KLF12: variants seen among roughly 807,000 people sequenced by gnomAD.
KLF12 encodes the protein KLF transcription factor 12.
A neutral mutation model predicts 37.8 loss-of-function variants in KLF12; 9 were observed. The observed-to-expected ratio is 0.24, with a 90% CI of 0.14 to 0.42. The LOEUF is 0.42. KLF12 is among the 10% of genes least tolerant of loss of function. The pLI, the probability that KLF12 is intolerant of heterozygous loss-of-function variation, is 1.00. For missense variants in KLF12, 411 were observed against 516.0 expected, an observed-to-expected ratio of 0.80 and a Z score of 1.97; for synonymous variants, 208 against 202.1, an observed-to-expected ratio of 1.03 and a Z score of -0.25.
chr13:73,898,894 C>A (rs531595572), intron 3 of KLF12, among the ~76,000 whole-genome samples: 1 of 152,260 alleles, frequency 6.6e-6, no homozygotes, highest in Middle Eastern at 3.4e-3. Context: ...TACGGCATTA[C>A]AATGGTGTGA....
intron 5 of KLF12, among the ~76,000 whole-genome samples, chr13:73,810,312 C>T (rs1451362328): frequency 6.6e-6 from 1 of 151,882 alleles, no homozygotes. Context: ...TTCTATTAAA[C>T]AGTTACACAT....
chr13:74,064,926 T>G (rs770437562), intron 1 of KLF12, among the ~76,000 whole-genome samples: 2 of 152,202 alleles, frequency 1.3e-5, no homozygotes, highest in Non-Finnish European at 2.9e-5. Context: ...CTAAGTCTGA[T>G]TCACACACAC....
intron 2 of KLF12, among the ~76,000 whole-genome samples, chr13:73,988,508 C>T (rs1413048815): frequency 6.6e-6 from 1 of 152,200 alleles, no homozygotes; most frequent in Non-Finnish European, 1.5e-5. Flanking sequence ...GTGTTTGCAA[C>T]ACCACAGGAC....
chr13:73,708,509 A>G (rs1875119854), intron 7 of KLF12, among the ~76,000 whole-genome samples: 1 of 152,150 alleles, frequency 6.6e-6, no homozygotes, highest in African/African-American at 2.4e-5. Flanking sequence ...CATGTCATAC[A>G]TACTGTTAGA....
chr13:73,722,722 G>GA (rs1259495043), intron 6 of KLF12, among the ~76,000 whole-genome samples: 1 of 152,188 alleles, frequency 6.6e-6, no homozygotes, highest in Non-Finnish European at 1.5e-5. Context: ...AGAGAAATAC[G>GA]TTTGCTAAAA....
intron 1 of KLF12, among the ~76,000 whole-genome samples, chr13:74,061,523 T>C (rs533220778): frequency 3.3e-5 from 5 of 152,298 alleles, no homozygotes; most frequent in African/African-American, 1.2e-4. Context: ...ATTTCCATGA[T>C]ACTTCCTAGA....
chr13:74,116,712 T>C (rs1418185565), intron 1 of KLF12, among the ~76,000 whole-genome samples: 3 of 152,216 alleles, frequency 2.0e-5, no homozygotes, highest in African/African-American at 7.2e-5. Flanking sequence ...AAAACTTCTA[T>C]AAACTATAAT....
chr13:74,218,419 T>C, the KLF12 span, among the ~76,000 whole-genome samples: 1 of 152,124 alleles, frequency 6.6e-6, no homozygotes, highest in Non-Finnish European at 1.5e-5. Flanking sequence ...AAAACAAAGG[T>C]AGATCCTTCA....
chr13:74,275,848 TTCTTTCTTTCTTTCTTTCTA>T, the KLF12 span, among the ~76,000 whole-genome samples: 36 of 121,258 alleles, frequency 3.0e-4, no homozygotes, highest in Admixed American at 7.0e-4. Flanking sequence ...CTTTCTTTCT[TTCTTTCTTTCTTTCTTTCTA>T]TCTTTCTTTC....
intron 1 of KLF12, among the ~76,000 whole-genome samples, chr13:74,008,659 T>C (rs1892475788): frequency 6.6e-6 from 1 of 152,238 alleles, no homozygotes; most frequent in Non-Finnish European, 1.5e-5. Context: ...AGCATCCTCA[T>C]TTATGAAATT....
intron 2 of KLF12, among the ~76,000 whole-genome samples, chr13:73,973,968 T>C (rs1421903124): frequency 2.6e-5 from 4 of 151,168 alleles, no homozygotes; most frequent in Non-Finnish European, 5.9e-5. Flanking sequence ...GTAAACACAA[T>C]AAAAACAGCA....
At chr13:74,182,968 G>A in the KLF12 span, among the ~76,000 whole-genome samples, 2 of 152,046 alleles carry the variant, frequency 1.3e-5, no homozygotes, top group African/African-American at 4.8e-5. Flanking sequence ...CTTTCTCCAG[G>A]AACATCATGT....
At chr13:74,022,324 A>T (rs969916689) in intron 1 of KLF12, among the ~76,000 whole-genome samples, 2 of 152,098 alleles carry the variant, frequency 1.3e-5, no homozygotes, top group African/African-American at 4.8e-5. Flanking sequence ...TTCAGAAAAA[A>T]ACATAATTAT....
chr13:74,210,793 G>T, the KLF12 span, among the ~76,000 whole-genome samples: 2 of 152,118 alleles, frequency 1.3e-5, no homozygotes, highest in Non-Finnish European at 2.9e-5. Flanking sequence ...TATTTCTATT[G>T]TTCTCCAGGC....
chr13:73,743,101 T>C (rs1878119252), intron 6 of KLF12, among the ~76,000 whole-genome samples: 1 of 152,164 alleles, frequency 6.6e-6, no homozygotes, highest in Non-Finnish European at 1.5e-5. Flanking sequence ...TTTCTGTTAG[T>C]TCCTCCACTT....
At chr13:74,257,058 A>G in the KLF12 span, 1 of 152,188 alleles carries the variant, frequency 6.6e-6, no homozygotes, top group African/African-American at 2.4e-5. Flanking sequence ...AACACAGGCA[A>G]GATTTGGAAG....
At chr13:73,741,234 G>A (rs1040495873) in intron 6 of KLF12, among the ~76,000 whole-genome samples, 4 of 152,110 alleles carry the variant, frequency 2.6e-5, no homozygotes, top group Admixed American at 2.6e-4. Context: ...ACACGTCGAT[G>A]TGATGAGGAA....
chr13:73,942,264 A>G (rs1376969789), intron 3 of KLF12, among the ~76,000 whole-genome samples: 1 of 152,194 alleles, frequency 6.6e-6, no homozygotes, highest in Non-Finnish European at 1.5e-5. Context: ...GCCTTCCTCC[A>G]ACATGCACAG....
At chr13:73,825,694 T>A (rs1042243463) in intron 4 of KLF12, among the ~76,000 whole-genome samples, 5 of 150,768 alleles carry the variant, frequency 3.3e-5, no homozygotes, top group Non-Finnish European at 7.4e-5. Flanking sequence ...TTTTGTAATA[T>A]AAGGAAAACA....
Sources: allele counts gnomAD v4.1 joint callset (sites outside exome capture counted in the v4.1 genomes callset), GRCh38; gene constraint gnomAD v4.1.1; transcripts MANE v1.5; gene names NCBI Gene and HGNC (gene_info 2026-07-23, HGNC 2026-07-21).